The following CNBD1 variants were observed in gnomAD, a reference collection of about 807,000 sequenced individuals.
CNBD1 encodes cyclic nucleotide-binding domain-containing protein 1.
A neutral mutation model predicts 54.4 loss-of-function variants in CNBD1; 71 were observed. The observed-to-expected ratio is 1.30, with a 90% CI of 1.08 to 1.59. The LOEUF (loss-of-function observed/expected upper bound fraction) is 1.59. Ranked by LOEUF, CNBD1 falls within the 40% of genes most tolerant of loss-of-function variation. The pLI is 0.00. For synonymous variants in CNBD1, 182 were observed against 170.7 expected, an observed-to-expected ratio of 1.07 and a Z score of -0.51; for missense variants, 659 against 518.0, an observed-to-expected ratio of 1.27 and a Z score of -2.64.
At chr8:86,949,224 G>T (rs1419459492) in intron 4 of CNBD1, among the ~76,000 whole-genome samples, 1 of 152,126 alleles carries the variant, frequency 6.6e-6, no homozygotes, top group Non-Finnish European at 1.5e-5. Context: ...GATAACTTCA[G>T]CTATGCAGGA....
intron 4 of CNBD1, among the ~76,000 whole-genome samples, chr8:87,152,334 C>T (rs1381786624): frequency 1.3e-5 from 2 of 151,234 alleles, no homozygotes; most frequent in Non-Finnish European, 2.9e-5. Flanking sequence ...ACTCACACTT[C>T]TGTAACAGGG....
intron 8 of CNBD1, among the ~76,000 whole-genome samples, chr8:87,300,129 GT>G (rs1299757783): frequency 6.6e-6 from 1 of 152,062 alleles, no homozygotes; most frequent in East Asian, 1.9e-4. Flanking sequence ...ATCACTTGCA[GT>G]TTAAAAAATA....
intron 6 of CNBD1, among the ~76,000 whole-genome samples, chr8:87,272,991 G>A (rs1216827387): frequency 6.6e-6 from 1 of 151,830 alleles, no homozygotes; most frequent in Non-Finnish European, 1.5e-5. Flanking sequence ...ATCCAAGTAT[G>A]GAGGGGCAAT....
At chr8:87,184,824 G>A (rs1813440198) in intron 4 of CNBD1, among the ~76,000 whole-genome samples, 1 of 152,058 alleles carries the variant, frequency 6.6e-6, no homozygotes, top group African/African-American at 2.4e-5. Flanking sequence ...AGTGGGAGAA[G>A]CTCTTCCTGG....
chr8:86,984,351 A>G (rs1648782653), intron 4 of CNBD1, among the ~76,000 whole-genome samples: 1 of 152,162 alleles, frequency 6.6e-6, no homozygotes, highest in African/African-American at 2.4e-5. Context: ...CTCTTAGGGC[A>G]GAGGAAGGGA....
chr8:87,024,418 C>T (rs2130581911), intron 4 of CNBD1, among the ~76,000 whole-genome samples: 1 of 151,748 alleles, frequency 6.6e-6, no homozygotes, highest in African/African-American at 2.4e-5. Context: ...TGGCTCACTG[C>T]AACCTTTGCC....
At chr8:86,941,416 A>G (rs1197096092) in intron 4 of CNBD1, among the ~76,000 whole-genome samples, 2 of 152,214 alleles carry the variant, frequency 1.3e-5, no homozygotes, top group African/African-American at 4.8e-5. Context: ...ATGTTGATTA[A>G]TATTGCATCA....
intron 4 of CNBD1, among the ~76,000 whole-genome samples, chr8:86,988,745 A>G (rs1256233161): frequency 1.3e-5 from 2 of 152,050 alleles, no homozygotes; most frequent in Non-Finnish European, 2.9e-5. Context: ...CTTAATTTTT[A>G]GCTTCCACAA....
intron 4 of CNBD1, among the ~76,000 whole-genome samples, chr8:87,005,225 C>T (rs996267628): frequency 1.3e-5 from 2 of 151,824 alleles, no homozygotes; most frequent in African/African-American, 4.8e-5. Flanking sequence ...TAAAAATTAG[C>T]CGGGCACGGT....
At chr8:86,881,971 G>A (rs1808612123) in intron 1 of CNBD1, among the ~76,000 whole-genome samples, 1 of 152,082 alleles carries the variant, frequency 6.6e-6, no homozygotes, top group Non-Finnish European at 1.5e-5. Flanking sequence ...GGGAAAACTG[G>A]CTAGCTATAA....
chr8:87,132,030 A>G (rs934168955), intron 4 of CNBD1, among the ~76,000 whole-genome samples: 7 of 151,986 alleles, frequency 4.6e-5, no homozygotes, highest in Non-Finnish European at 1.0e-4. Context: ...TAGCACTTTA[A>G]ACATTGCTAC....
chr8:87,228,595 C>G (rs1044534151), intron 5 of CNBD1, among the ~76,000 whole-genome samples: 2 of 151,056 alleles, frequency 1.3e-5, no homozygotes, highest in South Asian at 4.1e-4. Flanking sequence ...GCAGTCCGCC[C>G]GTTCTCAGAT....
At chr8:87,411,973 AT>A (rs1807754294) in intron 2 of CNBD1, among the ~76,000 whole-genome samples, 1 of 151,818 alleles carries the variant, frequency 6.6e-6, no homozygotes, top group South Asian at 2.1e-4. Context: ...TGTTTTTCTT[AT>A]TACTACAACT....
intron 4 of CNBD1, among the ~76,000 whole-genome samples, chr8:87,194,425 C>A (rs184078584): frequency 1.3e-5 from 2 of 152,250 alleles, no homozygotes; most frequent in Non-Finnish European, 2.9e-5. Flanking sequence ...CATTAAGAAT[C>A]ACTTATAATC....
intron 6 of CNBD1, among the ~76,000 whole-genome samples, chr8:87,242,324 G>C (rs1807724464): frequency 6.6e-6 from 1 of 152,090 alleles, no homozygotes; most frequent in Non-Finnish European, 1.5e-5. Flanking sequence ...AATTAGCTAA[G>C]AATCTGGCAC....
chr8:87,195,087 G>A (rs150541350), intron 4 of CNBD1, among the ~76,000 whole-genome samples: 2,173 of 151,942 alleles, frequency 0.014, 61 homozygotes, highest in African/African-American at 0.05. Context: ...GTTTCACCAC[G>A]TTGGCTGGGC....
chr8:87,377,680 G>T (rs1181659030), intron 10 of CNBD1, among the ~76,000 whole-genome samples: 1 of 146,582 alleles, frequency 6.8e-6, no homozygotes, highest in African/African-American at 2.6e-5. Flanking sequence ...TAATGGGATG[G>T]CTGGGTCAAA....
chr8:87,390,552 C>T (rs1811286719), intron 2 of CNBD1, among the ~76,000 whole-genome samples: 1 of 152,156 alleles, frequency 6.6e-6, no homozygotes, highest in Non-Finnish European at 1.5e-5. Flanking sequence ...TATCATCTCA[C>T]ACCAGTTAGA....
intron 10 of CNBD1, among the ~76,000 whole-genome samples, chr8:87,369,002 C>G (rs1485644842): frequency 6.6e-6 from 1 of 151,976 alleles, no homozygotes; most frequent in Non-Finnish European, 1.5e-5. Flanking sequence ...AACCCTAACA[C>G]TCTGCCTCCA....
Sources: gnomAD v4.1 joint callset for allele counts (sites outside exome capture counted in the v4.1 genomes callset) on GRCh38, gnomAD v4.1.1 for gene constraint, MANE v1.5 for transcripts, NCBI Gene and HGNC (gene_info 2026-07-23, HGNC 2026-07-21) for gene names.